Variants in NEBL observed in about 807,000 individuals in gnomAD.
NEBL encodes the protein nebulette.
In NEBL, 122 loss-of-function variants were observed where a neutral mutation model predicts 140.2. The ratio of observed to expected loss-of-function variants is 0.87; its 90% CI spans 0.75 to 1.01. The LOEUF (loss-of-function observed/expected upper bound fraction) is 1.01, where lower values mean the gene tolerates loss of function less well. NEBL is among the 50% of genes least tolerant of loss of function. The pLI is 0.00. For missense variants in NEBL, 1,365 were observed against 1,231.3 expected (o/e 1.11, Z -1.62); for synonymous variants, 436 against 398.9 (o/e 1.09, Z -1.11).
intron 2 of NEBL, among the ~76,000 whole-genome samples, chr10:21,049,233 A>G (rs1214776094): frequency 6.6e-6 from 1 of 152,198 alleles, no homozygotes; most frequent in Non-Finnish European, 1.5e-5. Flanking sequence ...GCTGGGTACC[A>G]TGGCCTAGCC....
At chr10:21,284,210 CA>C (rs35693200) in intron 1 of NEBL, among the ~76,000 whole-genome samples, 90 of 37,190 alleles carry the variant, frequency 2.4e-3, no homozygotes, top group African/African-American at 4.8e-3. Context: ...ACTCCGTCTC[CA>C]AAAAAAAAAA....
intron 16 of NEBL, among the ~76,000 whole-genome samples, chr10:20,828,848 T>A (rs1840134423): frequency 6.6e-6 from 1 of 152,062 alleles, no homozygotes; most frequent in Non-Finnish European, 1.5e-5. Flanking sequence ...GCTTCTAGAT[T>A]TACGCTTTGC....
At chr10:21,185,107 T>A (rs2132209762) in intron 3 of NEBL, among the ~76,000 whole-genome samples, 1 of 152,330 alleles carries the variant, frequency 6.6e-6, no homozygotes, top group Non-Finnish European at 1.5e-5. Context: ...TAATGGTATG[T>A]CTCTTGCTCC....
chr10:20,823,375 T>G, intron 18 of NEBL, 75 bp from the exon 19 acceptor site: 1 of 1,084,106 alleles, frequency 9.2e-7, no homozygotes, highest in Non-Finnish European at 1.4e-6. Context: ...TCTTCAATTG[T>G]AACTATTGCA....
At chr10:20,835,669 A>G (rs761063590) in intron 13 of NEBL, 46 bp from the exon 14 acceptor site, 15 of 1,289,252 alleles carry the variant, frequency 1.2e-5, no homozygotes, top group Admixed American at 3.4e-5. Flanking sequence ...CAGTGGGCAA[A>G]CATGCATCTG....
chr10:21,278,269 G>A (rs1220801131), intron 1 of NEBL, among the ~76,000 whole-genome samples: 3 of 152,110 alleles, frequency 2.0e-5, no homozygotes, highest in Admixed American at 6.6e-5. Context: ...GCAAGACGCC[G>A]TCTCTACAGA....
At chr10:21,001,232 T>A (rs572683876) in intron 3 of NEBL, among the ~76,000 whole-genome samples, 1 of 152,198 alleles carries the variant, frequency 6.6e-6, no homozygotes. Context: ...AGCACCTGGT[T>A]GTCACATTCC....
At chr10:21,266,400 C>G (rs1842797369) in intron 1 of NEBL, among the ~76,000 whole-genome samples, 1 of 152,186 alleles carries the variant, frequency 6.6e-6, no homozygotes, top group South Asian at 2.1e-4. Context: ...ACTTGGCCTC[C>G]CAAAGTGTTA....
At chr10:20,932,695 A>G (rs1279127342) in intron 4 of NEBL, among the ~76,000 whole-genome samples, 1 of 152,244 alleles carries the variant, frequency 6.6e-6, no homozygotes, top group Non-Finnish European at 1.5e-5. Context: ...AGGAACTTCA[A>G]TAGACTTGCT....
Position 21,219,728 on chromosome 10 carries a change from T to A in NEBL, n.348+28193A>T, listed in dbSNP as rs552823755. Among the ~76,000 whole-genome samples the A allele has an allele frequency of 4.0e-4, 61 of 152,296 alleles. 1 individual carries two copies. Among genetic ancestry groups the A allele is most frequent in the African/African-American group, 1.4e-3 (59 of 41,572 alleles). On this transcript the variant is annotated intron_variant and non_coding_transcript_variant, in intron 3 of 8. Transcript: ENST00000675702. ...TCTGCCAATTCATGAACATAGGATGTTTTTTCACTTATTTGTGTTCTCTTC... is the reference window on the plus strand; with the variant it reads ...TCTGCCAATTCATGAACATAGGATGATTTTTCACTTATTTGTGTTCTCTTC...
At chr10:21,250,808 A>G (rs1842856) in intron 2 of NEBL, among the ~76,000 whole-genome samples, 149,938 of 152,166 alleles carry the variant, frequency 0.99, 73,885 homozygotes, top group East Asian at 1. Flanking sequence ...CAGGAGAATC[A>G]CTTGAACCCA....
chr10:20,811,457 A>G (rs1838129279), intron 24 of NEBL, among the ~76,000 whole-genome samples: 1 of 152,208 alleles, frequency 6.6e-6, no homozygotes, highest in South Asian at 2.1e-4. Flanking sequence ...ATGAAACTCT[A>G]ATTTGGTGTC....
intron 1 of NEBL, among the ~76,000 whole-genome samples, chr10:21,271,833 G>A (rs575637282): frequency 6.6e-6 from 1 of 151,904 alleles, no homozygotes; most frequent in South Asian, 2.1e-4. Flanking sequence ...GCCGAGAATA[G>A]ATCTTAAATG....
intron 2 of NEBL, among the ~76,000 whole-genome samples, chr10:21,159,768 C>T (rs1840478839): frequency 6.6e-6 from 1 of 152,156 alleles, no homozygotes; most frequent in African/African-American, 2.4e-5. Context: ...ACCTCCTAGA[C>T]ATGTTTCTCT....
chr10:20,842,518 AT>A (rs1841493133), intron 12 of NEBL, among the ~76,000 whole-genome samples: 1 of 152,116 alleles, frequency 6.6e-6, no homozygotes. Context: ...GGAAGTAATA[AT>A]TTAATTAAGT....
At chr10:21,188,982 T>TAAG (rs1469641125) in intron 3 of NEBL, among the ~76,000 whole-genome samples, 1 of 152,186 alleles carries the variant, frequency 6.6e-6, no homozygotes, top group East Asian at 1.9e-4. Context: ...ACAATATATA[T>TAAG]AAGATTTTTC....
At chr10:21,091,072 C>G (rs1836888683) in intron 2 of NEBL, among the ~76,000 whole-genome samples, 1 of 152,168 alleles carries the variant, frequency 6.6e-6, no homozygotes, top group South Asian at 2.1e-4. Context: ...CCTCCTGAAC[C>G]TCTCTCGGAT....
chr10:21,009,013 T>C (rs1838238708), intron 3 of NEBL, among the ~76,000 whole-genome samples: 1 of 151,918 alleles, frequency 6.6e-6, no homozygotes, highest in South Asian at 2.1e-4. Flanking sequence ...AAGAATAAAA[T>C]ATTCTAGAAT....
At chr10:20,814,091 T>A in intron 22 of NEBL, 48 bp from the exon 23 acceptor site, 2 of 1,160,404 alleles carry the variant, frequency 1.7e-6, no homozygotes, top group South Asian at 1.2e-5. Flanking sequence ...AAACACATGA[T>A]GTAACATTTT....
Sources: gnomAD v4.1 joint callset for allele counts (sites outside exome capture counted in the v4.1 genomes callset) on GRCh38, gnomAD v4.1.1 for gene constraint, MANE v1.5 for transcripts, NCBI Gene and HGNC (gene_info 2026-07-23, HGNC 2026-07-21) for gene names.